The following HDAC9 variants were observed in gnomAD, a reference collection of about 807,000 sequenced individuals.
The protein encoded by HDAC9 is MEF-2 interacting transcription repressor (MITR) protein.
HDAC9 carries 41 observed loss-of-function variants against 139.4 expected under a neutral mutation model. That is an observed-to-expected ratio of 0.29 (90% CI 0.23 to 0.38). The LOEUF (loss-of-function observed/expected upper bound fraction) is 0.38. HDAC9 is among the 10% of genes least tolerant of loss of function. The pLI is 1.00. For synonymous variants in HDAC9, 517 were observed against 476.2 expected (o/e 1.09, Z -1.12); for missense variants, 1,147 against 1,297.0 (o/e 0.88, Z 1.78).
chr7:18,577,355 T>G (rs560515367), intron 2 of HDAC9, among the ~76,000 whole-genome samples: 3 of 152,336 alleles, frequency 2.0e-5, no homozygotes, highest in African/African-American at 7.2e-5. Flanking sequence ...CATGCTCTTC[T>G]GCTCTGAGTT....
intron 17 of HDAC9, among the ~76,000 whole-genome samples, chr7:18,818,947 C>A (rs3852251): frequency 0.13 from 19,879 of 151,982 alleles, 1,893 homozygotes; most frequent in African/African-American, 0.27. Flanking sequence ...TGTACCTATC[C>A]TTGCCATAGC....
At chr7:18,431,969 A>T (rs1032613997) in intron 1 of HDAC9, among the ~76,000 whole-genome samples, 1 of 152,204 alleles carries the variant, frequency 6.6e-6, no homozygotes, top group Non-Finnish European at 1.5e-5. Flanking sequence ...CTTCAAACGC[A>T]TCTTCTGCAC....
intron 23 of HDAC9, among the ~76,000 whole-genome samples, chr7:18,946,575 G>C (rs957251466): frequency 2.6e-5 from 4 of 152,042 alleles, no homozygotes; most frequent in African/African-American, 4.8e-5. Flanking sequence ...ATCAAAAGAG[G>C]TGTTTCATAC....
chr7:18,118,293 C>CT, intron 1 of HDAC9, among the ~76,000 whole-genome samples: 1 of 152,248 alleles, frequency 6.6e-6, no homozygotes, highest in South Asian at 2.1e-4. Flanking sequence ...ATTGTCAGTC[C>CT]TTATGGTTCC....
chr7:18,263,311 G>T (rs796705963), intron 2 of HDAC9, among the ~76,000 whole-genome samples: 1 of 152,066 alleles, frequency 6.6e-6, no homozygotes, highest in African/African-American at 2.4e-5. Flanking sequence ...ATATCTGCAT[G>T]ATATACCAAT....
intron 2 of HDAC9, among the ~76,000 whole-genome samples, chr7:18,511,124 T>C (rs557332234): frequency 6.6e-6 from 1 of 152,338 alleles, no homozygotes; most frequent in South Asian, 2.1e-4. Flanking sequence ...GGCTTTCTTA[T>C]CATTGTTCAT....
At chr7:18,962,771 C>T (rs560454330) in intron 24 of HDAC9, among the ~76,000 whole-genome samples, 7 of 152,118 alleles carry the variant, frequency 4.6e-5, no homozygotes, top group African/African-American at 1.4e-4. Flanking sequence ...GAGGGAAGAT[C>T]GTTTCCTAAG....
intron 16 of HDAC9, among the ~76,000 whole-genome samples, chr7:18,785,533 C>T (rs1791638581): frequency 6.6e-6 from 1 of 152,024 alleles, no homozygotes; most frequent in South Asian, 2.1e-4. Context: ...TCAAGAAAAG[C>T]TCAACTCTTC....
intron 2 of HDAC9, among the ~76,000 whole-genome samples, chr7:18,234,951 G>C (rs1793716152): frequency 6.6e-6 from 1 of 152,138 alleles, no homozygotes; most frequent in South Asian, 2.1e-4. Context: ...TTCATCCATA[G>C]CTTCACATGT....
chr7:18,332,361 A>G (rs73074245), intron 1 of HDAC9, among the ~76,000 whole-genome samples: 4 of 134,628 alleles, frequency 3.0e-5, no homozygotes, highest in African/African-American at 1.2e-4. Flanking sequence ...GCATGCGCAC[A>G]TGTGTGTGTG....
At chr7:18,314,310 C>T (rs950215385) in intron 1 of HDAC9, among the ~76,000 whole-genome samples, 1 of 152,202 alleles carries the variant, frequency 6.6e-6, no homozygotes, top group African/African-American at 2.4e-5. Context: ...TCTGCAGTCA[C>T]TGTTTCTAAA....
At chr7:18,262,280 G>T (rs1795730653) in intron 2 of HDAC9, among the ~76,000 whole-genome samples, 1 of 152,160 alleles carries the variant, frequency 6.6e-6, no homozygotes. Flanking sequence ...TCTCAATAAG[G>T]CTGACAGCTG....
intron 22 of HDAC9, 139 bp from the exon 23 acceptor site, chr7:18,935,670 G>C: frequency 1.4e-6 from 1 of 734,246 alleles, no homozygotes; most frequent in Non-Finnish European, 2.3e-6. Flanking sequence ...AATCCATAAA[G>C]TTATTTTAAG....
At position 18,557,339 on chromosome 7, in the gene HDAC9, GTTT is replaced by G. The variant is rs34667664; in HGVS notation, c.23-27927_23-27925del. On this transcript the variant is annotated intron_variant, in intron 2 of 25. Transcript: ENST00000686413. ...TTTGACAACTTTAAAGCAATGATGA[GTTT>G]TTTTTTTTTTTTTTATATCTAACCT... 4.5e-3 allele frequency among the ~76,000 whole-genome samples: 620 copies of G among 137,414 alleles called. 4 individuals are homozygous for G. The highest frequency in any genetic ancestry group is 0.015 in the African/African-American group (582 of 37,660). The allele number at this position is 137,414 out of a possible 152,430, so 90.1% of individuals were successfully genotyped here.
intron 6 of HDAC9, among the ~76,000 whole-genome samples, chr7:18,600,025 T>C (rs1277406144): frequency 3.3e-5 from 5 of 152,024 alleles, no homozygotes; most frequent in African/African-American, 1.2e-4. Flanking sequence ...TGGTTTCTCA[T>C]TGTGGTTTTA....
chr7:18,132,945 C>G (rs1052030776), intron 1 of HDAC9, among the ~76,000 whole-genome samples: 1 of 152,074 alleles, frequency 6.6e-6, no homozygotes, highest in Admixed American at 6.6e-5. Flanking sequence ...AACAGTCTTT[C>G]AAAATAACTC....
chr7:18,215,998 G>T (rs1032218862), intron 2 of HDAC9, among the ~76,000 whole-genome samples: 1 of 151,788 alleles, frequency 6.6e-6, no homozygotes, highest in Non-Finnish European at 1.5e-5. Context: ...CTCTCGTCTC[G>T]CACCTCTTCA....
At chr7:18,873,863 C>T (rs1458608101) in intron 21 of HDAC9, among the ~76,000 whole-genome samples, 1 of 152,100 alleles carries the variant, frequency 6.6e-6, no homozygotes, top group Non-Finnish European at 1.5e-5. Flanking sequence ...GCAGGGGTTG[C>T]TGTCATGGAT....
At chr7:18,215,553 A>G (rs1792246698) in intron 2 of HDAC9, among the ~76,000 whole-genome samples, 1 of 152,202 alleles carries the variant, frequency 6.6e-6, no homozygotes, top group African/African-American at 2.4e-5. Context: ...TGCTTTGCTT[A>G]AATGATTTTA....
Sources: allele counts gnomAD v4.1 joint callset (sites outside exome capture counted in the v4.1 genomes callset), GRCh38; gene constraint gnomAD v4.1.1; transcripts MANE v1.5; gene names NCBI Gene and HGNC (gene_info 2026-07-23, HGNC 2026-07-21).